The following CAPZB variants were observed in gnomAD, a reference collection of about 807,000 sequenced individuals.
The protein encoded by CAPZB is capping actin protein of muscle Z-line subunit beta.
A neutral mutation model predicts 38.1 loss-of-function variants in CAPZB; 2 were observed. The ratio of observed to expected loss-of-function variants is 0.05; its 90% confidence interval spans 0.02 to 0.17. CAPZB has a LOEUF of 0.17. Ranked by LOEUF, CAPZB falls within the 10% of genes least tolerant of loss-of-function variation. CAPZB has a pLI of 1.00. For synonymous variants in CAPZB, 107 were observed against 127.4 expected, an observed-to-expected ratio of 0.84 and a Z score of 1.08; for missense variants, 161 against 334.2, an observed-to-expected ratio of 0.48 and a Z score of 4.04.
At chr1:19,434,703 G>T (rs1254400393) in intron 1 of CAPZB, among the ~76,000 whole-genome samples, 1 of 152,172 alleles carries the variant, frequency 6.6e-6, no homozygotes, top group Non-Finnish European at 1.5e-5. Context: ...GCCGAAATGG[G>T]AGGATCACTT....
intron 1 of CAPZB, among the ~76,000 whole-genome samples, chr1:19,483,413 G>C (rs2094637574): frequency 6.6e-6 from 1 of 152,192 alleles, no homozygotes; most frequent in Admixed American, 6.5e-5. Flanking sequence ...CTGAGCCTCA[G>C]CTGCCTCATC....
chr1:19,441,670 C>T (rs2094476965), intron 1 of CAPZB, among the ~76,000 whole-genome samples: 1 of 142,086 alleles, frequency 7.0e-6, no homozygotes, highest in African/African-American at 2.5e-5. Context: ...GTGTAGAAGG[C>T]AGACAGAGAA....
chr1:19,354,670 G>C (rs1243499869), intron 6 of CAPZB, among the ~76,000 whole-genome samples: 3 of 152,240 alleles, frequency 2.0e-5, no homozygotes, highest in Non-Finnish European at 4.4e-5. Flanking sequence ...GCCGGAACCA[G>C]ACTCTGGCCA....
intron 2 of CAPZB, among the ~76,000 whole-genome samples, chr1:19,389,413 G>A (rs1436096268): frequency 1.4e-5 from 2 of 145,520 alleles, no homozygotes; most frequent in Non-Finnish European, 3.0e-5. Flanking sequence ...CTTCCTAAAG[G>A]TTACATGGGT....
At position 19,358,993 on chromosome 1, in the gene CAPZB, C is replaced by T. The variant is rs1024713163; in HGVS notation, c.330-1430G>A. Among the ~76,000 whole-genome samples, 5 of 152,306 alleles carry T rather than the reference C, an allele frequency of 3.3e-5. No individual in the cohort carries two copies. In the South Asian group the frequency reaches 8.3e-4, roughly 25 times the overall value. On this transcript the variant is annotated intron_variant, in intron 4 of 8. Coordinates refer to ENST00000264202, the MANE Select transcript of CAPZB (RefSeq NM_004930.5). ...CAACAACTATTTACTAAGGGACCAG[C>T]GGTGTGAATATGGGCCTCAGGGACT... is the stretch of plus-strand genomic sequence containing the variant.
At chr1:19,379,629 CT>C (rs1283523003) in intron 3 of CAPZB, among the ~76,000 whole-genome samples, 1 of 152,184 alleles carries the variant, frequency 6.6e-6, no homozygotes, top group African/African-American at 2.4e-5. Flanking sequence ...CATCCAAGAG[CT>C]ATGCACACAT....
intron 1 of CAPZB, chr1:19,448,881 G>A (rs79308175): frequency 0.039 from 63,010 of 1,612,842 alleles, 2,163 homozygotes; most frequent in East Asian, 0.14. Flanking sequence ...AGGCCTGGGC[G>A]AGAGAACCCT....
At chr1:19,363,380 C>T (rs544844932) in intron 4 of CAPZB, among the ~76,000 whole-genome samples, 34 of 150,978 alleles carry the variant, frequency 2.3e-4, no homozygotes, top group Non-Finnish European at 3.2e-4. Context: ...CTATCGTCAC[C>T]TTGGTCCCTA....
intron 2 of CAPZB, among the ~76,000 whole-genome samples, chr1:19,405,049 G>T (rs990231591): frequency 6.6e-6 from 1 of 152,020 alleles, no homozygotes; most frequent in African/African-American, 2.4e-5. Flanking sequence ...GCCACCTGCC[G>T]GGACCACCAG....
At chr1:19,449,560 G>A (rs1443493399) in intron 1 of CAPZB, among the ~76,000 whole-genome samples, 2 of 152,092 alleles carry the variant, frequency 1.3e-5, no homozygotes, top group African/African-American at 2.4e-5. Flanking sequence ...AGCTGAGACG[G>A]GCAGATCACT....
chr1:19,472,945 C>T (rs868225576), intron 1 of CAPZB, among the ~76,000 whole-genome samples: 28 of 152,078 alleles, frequency 1.8e-4, no homozygotes, highest in Admixed American at 4.6e-4. Context: ...TCTGGATCTC[C>T]TGACCTCATG....
intron 1 of CAPZB, among the ~76,000 whole-genome samples, chr1:19,426,928 A>G (rs767728741): frequency 3.3e-5 from 5 of 152,234 alleles, no homozygotes; most frequent in Non-Finnish European, 5.9e-5. Flanking sequence ...CTGGGGACAG[A>G]AGAGCTAGCA....
chr1:19,359,440 G>GCTAC (rs2094040886), intron 4 of CAPZB, among the ~76,000 whole-genome samples: 1 of 152,126 alleles, frequency 6.6e-6, no homozygotes, highest in Non-Finnish European at 1.5e-5. Context: ...ACTCAGGTGG[G>GCTAC]CTACCCTTGG....
intron 3 of CAPZB, among the ~76,000 whole-genome samples, chr1:19,378,981 T>C (rs1444214055): frequency 1.3e-5 from 2 of 152,078 alleles, no homozygotes; most frequent in African/African-American, 4.8e-5. Context: ...TCATGAGAAA[T>C]GAGACAAGCA....
At chr1:19,446,774 A>G (rs2094497391) in intron 1 of CAPZB, among the ~76,000 whole-genome samples, 1 of 152,236 alleles carries the variant, frequency 6.6e-6, no homozygotes, top group African/African-American at 2.4e-5. Context: ...AAGTGAGTAA[A>G]AAAATGCCCA....
Position 19,385,490 on chromosome 1 carries a change from G to C in CAPZB, c.215+15C>G, listed in dbSNP as rs770655047. Reference sequence around the variant, plus strand: ...TGCCTGCTGTGCCTGCTGCATCCCCGGGGCATGAGCTCACCTATAGGAGTC... The same window carrying C: ...TGCCTGCTGTGCCTGCTGCATCCCCCGGGCATGAGCTCACCTATAGGAGTC... On this transcript the variant is annotated intron_variant, in intron 3 of 8. Transcript: ENST00000264202. The C allele has an allele frequency of 8.1e-5, 130 of 1,611,662 alleles. No individual in the cohort carries two copies. Among genetic ancestry groups the C allele is most frequent in the Non-Finnish European group, 1.0e-4 (120 of 1,179,568 alleles).
intron 1 of CAPZB, among the ~76,000 whole-genome samples, chr1:19,424,101 T>C (rs2094412777): frequency 6.6e-6 from 1 of 152,192 alleles, no homozygotes; most frequent in Non-Finnish European, 1.5e-5. Context: ...CGTGAGCCAC[T>C]GCACCTGGCC....
At chr1:19,344,486 C>G in intron 7 of CAPZB, 52 bp from the exon 8 acceptor site, 1 of 1,375,724 alleles carries the variant, frequency 7.3e-7, no homozygotes. Flanking sequence ...ACCCTGAGGC[C>G]CACGCCCTCC....
At chr1:19,346,452 TAAAAAAAAAAAAAAA>T (rs200968507) in intron 6 of CAPZB, among the ~76,000 whole-genome samples, 5,782 of 73,314 alleles carry the variant, frequency 0.079, 185 homozygotes, top group African/African-American at 0.12. Flanking sequence ...TGAGAGAAGC[TAAAAAAAAAAAAAAA>T]AAAAAAAAAA....
Sources: allele counts gnomAD v4.1 joint callset (sites outside exome capture counted in the v4.1 genomes callset), GRCh38; gene constraint gnomAD v4.1.1; transcripts MANE v1.5; gene names NCBI Gene and HGNC (gene_info 2026-07-23, HGNC 2026-07-21).